The following KIAA1549 variants were observed in gnomAD, a reference collection of about 807,000 sequenced individuals.
KIAA1549 encodes KIAA1549, also known as UPF0606 protein KIAA1549.
A neutral mutation model predicts 156.4 loss-of-function variants in KIAA1549; 70 were observed. That is an observed-to-expected ratio of 0.45 (90% CI 0.37 to 0.55). The LOEUF is 0.55. Among genes scored for constraint, KIAA1549 ranks in the 20% least tolerant of loss-of-function variants. The pLI, the probability that KIAA1549 is intolerant of heterozygous loss-of-function variation, is 0.00. For missense variants in KIAA1549, 2,428 were observed against 2,540.9 expected (o/e 0.96, Z 0.96); for synonymous variants, 1,103 against 1,066.4 (o/e 1.03, Z -0.67).
rs1471247486 is a variant in KIAA1549 at position 138,903,836 on chromosome 7, TGTGTGTGTGTGTGTGTGC to T, written c.3521-118_3521-101del. 4.9e-3 allele frequency: 2,523 copies of T among 513,932 alleles called. 37 individuals carry two copies. The highest frequency in any genetic ancestry group is 0.015 in the South Asian group (592 of 39,364). The allele number at this position is 513,932 out of a possible 1,614,324, so 31.8% of individuals were successfully genotyped here. On this transcript the variant is annotated intron_variant, in intron 7 of 19. Coordinates refer to ENST00000422774, the MANE Select transcript of KIAA1549 (RefSeq NM_001164665.2). ...GTGTGTGTGTGTGTGTGTGTGTGTGTGTGTGTGTGTGTGTGTGCGCGCGCGCGCGCGCGCACATATGTA... is the reference window on the plus strand; with the variant it reads ...GTGTGTGTGTGTGTGTGTGTGTGTGTGCGCGCGCGCGCGCGCACATATGTA...
At chr7:138,943,659 C>T (rs1329637625) in intron 1 of KIAA1549, among the ~76,000 whole-genome samples, 2 of 152,120 alleles carry the variant, frequency 1.3e-5, no homozygotes, top group Non-Finnish European at 2.9e-5. Flanking sequence ...ACCATCCTGG[C>T]TAACATGGTG....
chr7:138,892,935 G>A (rs1444943815), intron 10 of KIAA1549, among the ~76,000 whole-genome samples: 2 of 152,122 alleles, frequency 1.3e-5, no homozygotes, highest in Admixed American at 6.5e-5. Flanking sequence ...GGAGACCCAC[G>A]GAAAGTGCAT....
intron 9 of KIAA1549, 109 bp downstream of exon 9, chr7:138,898,846 G>C (rs1811761595): frequency 2.2e-6 from 2 of 923,822 alleles, no homozygotes; most frequent in African/African-American, 1.7e-5. Flanking sequence ...TTCACCATCA[G>C]GGTTATACAC....
At chr7:138,953,416 G>A (rs570215362) in intron 1 of KIAA1549, among the ~76,000 whole-genome samples, 2 of 152,040 alleles carry the variant, frequency 1.3e-5, no homozygotes, top group Non-Finnish European at 2.9e-5. Context: ...TACTTTTTAA[G>A]CACAATAATA....
intron 11 of KIAA1549, among the ~76,000 whole-genome samples, chr7:138,880,223 C>A (rs999006435): frequency 5.9e-5 from 9 of 152,218 alleles, no homozygotes; most frequent in Non-Finnish European, 1.2e-4. Context: ...TGTGGAATGC[C>A]AAGACATTCT....
chr7:138,903,487 A>G, intron 8 of KIAA1549, 101 bp downstream of exon 8: 1 of 1,230,544 alleles, frequency 8.1e-7, no homozygotes, highest in South Asian at 1.5e-5. Flanking sequence ...GGCACTTCTC[A>G]TTTGCATAAA....
At position 138,903,627 on chromosome 7, in the gene KIAA1549, C is replaced by T; in HGVS notation, c.3630G>A (p.Trp1210Ter). 2 of 1,613,680 alleles carry T rather than the reference C, an allele frequency of 1.2e-6. No individual in the cohort carries two copies. Among genetic ancestry groups the T allele is most frequent in the Non-Finnish European group, 1.7e-6 (2 of 1,179,822 alleles). Residue 1210 changes from tryptophan (W) to a stop codon, truncating the protein, a stop_gained, in exon 8 of 20, where the codon TGG (tryptophan) becomes TGA (stop). Transcript: ENST00000422774. LOFTEE classifies it high-confidence loss of function. ...LSEVSTRRRMWRRATVAAGNS... is the reference protein window; with the variant it reads ...LSEVSTRRRM ...TCCCTGCAGCTACAGTGGCCCTTCT[C>T]CACATCCGCCTTCTGGTGGAAACCT... is the stretch of plus-strand genomic sequence containing the variant.
intron 1 of KIAA1549, among the ~76,000 whole-genome samples, chr7:138,955,854 G>A (rs952375336): frequency 1.3e-5 from 2 of 152,136 alleles, no homozygotes; most frequent in African/African-American, 4.8e-5. Context: ...AACAGAGAGG[G>A]AATCAACATG....
chr7:138,938,868 C>A (rs137943104), intron 1 of KIAA1549, among the ~76,000 whole-genome samples: 1 of 151,974 alleles, frequency 6.6e-6, no homozygotes, highest in Non-Finnish European at 1.5e-5. Flanking sequence ...GCCAATACGG[C>A]GAAACCCTGT....
intron 10 of KIAA1549, among the ~76,000 whole-genome samples, chr7:138,890,718 A>T (rs575926877): frequency 1.3e-5 from 2 of 152,350 alleles, no homozygotes; most frequent in East Asian, 3.9e-4. Flanking sequence ...CTGAGATGGA[A>T]CGATATGCTC....
rs534527332 is a variant in KIAA1549 at position 138,840,149 on chromosome 7, G to T, written c.5582C>A (p.Ala1861Glu). The T allele has an allele frequency of 6.4e-7, 1 of 1,551,908 alleles. No individual in the cohort carries two copies. The highest frequency in any genetic ancestry group is 1.4e-5 in the African/African-American group (1 of 73,072). ...PGWPSYGEDE[A>E]GRREATHMLG... Reference sequence around the variant, plus strand: ...GATACTCACGGCCTCTCTTCGCCCCGCTTCGTCCTCCCCGTACGAAGGCCA... The same window carrying T: ...GATACTCACGGCCTCTCTTCGCCCCTCTTCGTCCTCCCCGTACGAAGGCCA... Residue 1861 changes from alanine (A) to glutamate (E), a missense_variant, in exon 19 of 20, where the codon GCG becomes GAG. Physicochemically the swap from Ala to Glu is moderately radical, Grantham distance 107 (BLOSUM62 -1). Coordinates refer to ENST00000422774, the MANE Select transcript of KIAA1549 (RefSeq NM_001164665.2).
chr7:138,980,115 C>T (rs1227508120), intron 1 of KIAA1549, among the ~76,000 whole-genome samples: 3 of 152,200 alleles, frequency 2.0e-5, no homozygotes, highest in African/African-American at 4.8e-5. Flanking sequence ...TTCGGAGCAG[C>T]GTTCACGGCT....
At chr7:138,881,026 C>A (rs1247377473) in intron 11 of KIAA1549, among the ~76,000 whole-genome samples, 1 of 152,232 alleles carries the variant, frequency 6.6e-6, no homozygotes, top group African/African-American at 2.4e-5. Flanking sequence ...ATGTGCTGTG[C>A]ACTCCTTCTA....
intron 10 of KIAA1549, among the ~76,000 whole-genome samples, chr7:138,884,706 TCTTAA>T (rs1467419365): frequency 2.6e-5 from 4 of 152,242 alleles, no homozygotes; most frequent in African/African-American, 4.8e-5. Context: ...AGACCCCTTA[TCTTAA>T]CTTAAGCATT....
chr7:138,831,682 A>G lies in KIAA1549; in HGVS notation c.*6224T>C, dbSNP rs921336813. 27 of 230,744 alleles carry G rather than the reference A, an allele frequency of 1.2e-4. No individual in the cohort carries two copies. The highest frequency in any genetic ancestry group is 2.1e-4 in the Non-Finnish European group (24 of 116,540). The allele number at this position is 230,744 out of a possible 1,614,324, so 14.3% of individuals were successfully genotyped here. On this transcript the variant is annotated 3_prime_UTR_variant, in exon 20 of 20. Transcript: ENST00000422774. Reference sequence around the variant, plus strand: ...CAGTTGGCCTCAATTTGCTCTGCACATTTCGTACATTAACGCTCATAATCT... The same window carrying G: ...CAGTTGGCCTCAATTTGCTCTGCACGTTTCGTACATTAACGCTCATAATCT...
At chr7:138,871,975 A>G (rs1271648765) in intron 12 of KIAA1549, among the ~76,000 whole-genome samples, 2 of 152,132 alleles carry the variant, frequency 1.3e-5, no homozygotes, top group Non-Finnish European at 2.9e-5. Flanking sequence ...TTCCTACTTT[A>G]TTTATTTTTT....
intron 15 of KIAA1549, among the ~76,000 whole-genome samples, chr7:138,865,572 G>A (rs562895848): frequency 1.3e-5 from 2 of 152,302 alleles, no homozygotes; most frequent in East Asian, 1.9e-4. Context: ...TTCAAAATCT[G>A]AGGAAGATTT....
chr7:138,948,917 C>G (rs1253516205), intron 1 of KIAA1549, among the ~76,000 whole-genome samples: 3 of 151,884 alleles, frequency 2.0e-5, no homozygotes, highest in African/African-American at 4.8e-5. Context: ...TTGGTCAGGG[C>G]TGGTCTCAAA....
intron 10 of KIAA1549, among the ~76,000 whole-genome samples, chr7:138,886,569 G>A (rs1391737170): frequency 5.9e-5 from 9 of 152,162 alleles, no homozygotes; most frequent in Non-Finnish European, 1.3e-4. Flanking sequence ...GAGCCACTGA[G>A]ACCGGCCTTA....
Sources: allele counts gnomAD v4.1 joint callset (sites outside exome capture counted in the v4.1 genomes callset), GRCh38; gene constraint gnomAD v4.1.1; transcripts MANE v1.5; gene names NCBI Gene and HGNC (gene_info 2026-07-23, HGNC 2026-07-21).